The following MAP4K4 variants were observed in gnomAD, a reference collection of about 807,000 sequenced individuals.
MAP4K4 encodes HPK/GCK-like kinase HGK.
In MAP4K4, 38 loss-of-function variants were observed where a neutral mutation model predicts 189.6. The observed-to-expected ratio is 0.20, with a 90% CI of 0.15 to 0.26. The LOEUF is 0.26. Ranked by LOEUF, MAP4K4 falls within the 10% of genes least tolerant of loss-of-function variation. MAP4K4 has a pLI of 1.00. For missense variants in MAP4K4, 1,054 were observed against 1,726.9 expected, an observed-to-expected ratio of 0.61 and a Z score of 6.91; for synonymous variants, 610 against 624.3, an observed-to-expected ratio of 0.98 and a Z score of 0.34.
intron 2 of MAP4K4, among the ~76,000 whole-genome samples, chr2:101,708,517 A>C (rs1387321177): frequency 6.6e-6 from 1 of 152,248 alleles, no homozygotes; most frequent in Non-Finnish European, 1.5e-5. Context: ...AAGCAGTGCC[A>C]TGGTACGTAT....
intron 2 of MAP4K4, among the ~76,000 whole-genome samples, chr2:101,733,593 C>G (rs531347621): frequency 1.3e-5 from 2 of 152,144 alleles, no homozygotes; most frequent in East Asian, 3.9e-4. Flanking sequence ...CTTGTCAGCT[C>G]CCTGAGGCTC....
At chr2:101,842,343 C>T (rs1196567362) in intron 10 of MAP4K4, among the ~76,000 whole-genome samples, 2 of 152,164 alleles carry the variant, frequency 1.3e-5, no homozygotes, top group Admixed American at 6.5e-5. Flanking sequence ...TGGTCCTGCA[C>T]GTCCTCAGCA....
At chr2:101,754,423 C>G (rs1237696951) in intron 2 of MAP4K4, among the ~76,000 whole-genome samples, 1 of 144,524 alleles carries the variant, frequency 6.9e-6, no homozygotes, top group African/African-American at 2.6e-5. Context: ...GTGATCTCAG[C>G]TCACTGCAAT....
chr2:101,844,499 C>A (rs2149593732), intron 12 of MAP4K4, among the ~76,000 whole-genome samples, 188 bp downstream of exon 12: 1 of 152,292 alleles, frequency 6.6e-6, no homozygotes, highest in East Asian at 1.9e-4. Context: ...TTCCTTGAGG[C>A]CTTAGAAATG....
intron 2 of MAP4K4, among the ~76,000 whole-genome samples, chr2:101,708,817 TTAA>T (rs2043841517): frequency 6.6e-6 from 1 of 152,238 alleles, no homozygotes; most frequent in Non-Finnish European, 1.5e-5. Context: ...TCTGCCAGTA[TTAA>T]TTTGCCTTTT....
chr2:101,785,686 C>CTTTTCCTTTTT (rs1558913231), intron 2 of MAP4K4, among the ~76,000 whole-genome samples: 20 of 1,420 alleles, frequency 0.014, no homozygotes, highest in South Asian at 0.075. Flanking sequence ...CCCTCTCTCT[C>CTTTTCCTTTTT]TCTCTCTCTC....
chr2:101,779,425 G>C (rs1285433363), intron 2 of MAP4K4, among the ~76,000 whole-genome samples: 1 of 151,996 alleles, frequency 6.6e-6, no homozygotes, highest in African/African-American at 2.4e-5. Context: ...ACTTATTCAT[G>C]GTCTTTCATT....
rs1448535510 is a variant in MAP4K4 at position 101,704,562 on chromosome 2, TATA to T, written c.123+6025_123+6027del. 4.9e-3 allele frequency among the ~76,000 whole-genome samples: 366 copies of T among 74,362 alleles called. 6 individuals are homozygous for T. Among genetic ancestry groups the T allele is most frequent in the African/African-American group, 7.6e-3 (142 of 18,752 alleles). The allele number at this position is 74,362 out of a possible 152,430, so 48.8% of individuals were successfully genotyped here. A position where few individuals can be genotyped will look rare whatever the true frequency, so the allele number is the denominator to read the frequency against. On this transcript the variant is annotated intron_variant, in intron 2 of 32. Transcript: ENST00000324219. ...GTGTGTATATATATATATATATATA[TATA>T]TATTTTTTTTTTTTTTTTTTTTTTT...
rs77184142 is a variant in MAP4K4, at chr2:101,835,597, A to G, written c.695-303A>G. ...TGAAAATACAATCATTTTCATTGTA[A>G]TCTAACAGATAGTTTAACAACTTAG... On this transcript the variant is annotated intron_variant, in intron 8 of 32. Transcript: ENST00000324219. 8.9e-4 allele frequency among the ~76,000 whole-genome samples: 135 copies of G among 152,340 alleles called. 3 individuals are homozygous for G. In the East Asian group the frequency reaches 0.023, roughly 26 times the overall value.
At chr2:101,698,039 A>T in exon 1 of MAP4K4, 1 of 1,284,604 alleles carries the variant, frequency 7.8e-7, no homozygotes. Flanking sequence ...AGAGCGACAG[A>T]GACATTTATT....
chr2:101,885,233 T>C, exon 29 of MAP4K4: 1 of 1,608,062 alleles, frequency 6.2e-7, no homozygotes, highest in Non-Finnish European at 8.5e-7. Flanking sequence ...TGAAGAGTTC[T>C]GTGGAAGTCT....
At chr2:101,697,764 C>G (rs2035104186) in exon 1 of MAP4K4, 1 of 145,848 alleles carries the variant, frequency 6.9e-6, no homozygotes, top group Non-Finnish European at 1.5e-5. Context: ...TCGAGGCGCG[C>G]GGCGCGGGGC....
At chr2:101,855,497 T>C (rs1186691462) in intron 12 of MAP4K4, among the ~76,000 whole-genome samples, 1 of 152,234 alleles carries the variant, frequency 6.6e-6, no homozygotes, top group Non-Finnish European at 1.5e-5. Context: ...ATATTAATAA[T>C]AATGGTCCTG....
At chr2:101,879,370 T>C (rs2098314300) in intron 27 of MAP4K4, among the ~76,000 whole-genome samples, 1 of 151,098 alleles carries the variant, frequency 6.6e-6, no homozygotes. Flanking sequence ...TAGAAGAAAC[T>C]TAGGAAGAAT....
At chr2:101,744,550 C>G (rs1203483628) in intron 2 of MAP4K4, among the ~76,000 whole-genome samples, 2 of 152,158 alleles carry the variant, frequency 1.3e-5, no homozygotes, top group Admixed American at 1.3e-4. Context: ...ACCTTTTGAC[C>G]AGCACAAGAG....
At chr2:101,718,078 GA>G (rs1345339757) in intron 2 of MAP4K4, among the ~76,000 whole-genome samples, 1 of 152,056 alleles carries the variant, frequency 6.6e-6, no homozygotes, top group East Asian at 1.9e-4. Flanking sequence ...CCAACATGGA[GA>G]AACCCCATCT....
At chr2:101,890,433 C>G (rs1451112021) in intron 32 of MAP4K4, among the ~76,000 whole-genome samples, 2 of 152,066 alleles carry the variant, frequency 1.3e-5, no homozygotes, top group Non-Finnish European at 2.9e-5. Context: ...ATAATTGCCC[C>G]AGAGGTTTTT....
chr2:101,698,370 C>G (rs1200862190), intron 1 of MAP4K4, 103 bp from the exon 2 acceptor site: 3 of 1,136,160 alleles, frequency 2.6e-6, no homozygotes, highest in African/African-American at 1.5e-5. Context: ...CGGGGCGAAG[C>G]CCACCTCTTT....
intron 2 of MAP4K4, among the ~76,000 whole-genome samples, chr2:101,751,746 T>A (rs540904866): frequency 6.6e-6 from 1 of 152,278 alleles, no homozygotes; most frequent in East Asian, 1.9e-4. Flanking sequence ...GGTGAGTTGG[T>A]AGGGGCTCGA....
Sources: allele counts gnomAD v4.1 joint callset (sites outside exome capture counted in the v4.1 genomes callset), GRCh38; gene constraint gnomAD v4.1.1; transcripts MANE v1.5; gene names NCBI Gene and HGNC (gene_info 2026-07-23, HGNC 2026-07-21).